Variants in BABAM2 observed in about 807,000 individuals in gnomAD.
BABAM2 encodes BRISC and BRCA1 A complex member 2, also known as BRISC and BRCA1-A complex member 2.
In BABAM2, 31 loss-of-function variants were observed where a neutral mutation model predicts 54.7. The observed-to-expected ratio is 0.57, with a 90% CI of 0.43 to 0.77. The LOEUF is 0.77. BABAM2 is among the 30% of genes least tolerant of loss of function. The pLI is 0.00. For synonymous variants in BABAM2, 167 were observed against 162.9 expected (o/e 1.03, Z -0.19); for missense variants, 364 against 455.8 (o/e 0.80, Z 1.83).
intron 3 of BABAM2, among the ~76,000 whole-genome samples, chr2:27,984,926 T>C (rs1157737420): frequency 1.3e-5 from 2 of 152,160 alleles, no homozygotes; most frequent in East Asian, 1.9e-4. Context: ...CTCCCACTTA[T>C]GTGTGAGAGC....
At chr2:28,034,431 T>A (rs1402638543) in intron 5 of BABAM2, among the ~76,000 whole-genome samples, 1 of 152,198 alleles carries the variant, frequency 6.6e-6, no homozygotes, top group Non-Finnish European at 1.5e-5. Context: ...TTATTACTAT[T>A]AGCTTTTTTT....
intron 7 of BABAM2, among the ~76,000 whole-genome samples, chr2:28,198,915 T>C (rs962277081): frequency 7.3e-5 from 11 of 151,714 alleles, no homozygotes; most frequent in African/African-American, 2.7e-4. Context: ...CCACCTGTCC[T>C]CACAAAACCT....
chr2:28,149,774 T>A (rs537346831), intron 7 of BABAM2, among the ~76,000 whole-genome samples: 1 of 152,344 alleles, frequency 6.6e-6, no homozygotes, highest in African/African-American at 2.4e-5. Context: ...CTTCTCTGGC[T>A]GCTTTAGTCA....
At chr2:27,952,565 G>C (rs1214869377) in intron 3 of BABAM2, among the ~76,000 whole-genome samples, 3 of 152,170 alleles carry the variant, frequency 2.0e-5, no homozygotes, top group Non-Finnish European at 4.4e-5. Context: ...ATTTATGTTT[G>C]TTTTGAACTA....
intron 7 of BABAM2, among the ~76,000 whole-genome samples, chr2:28,202,964 C>G (rs568063977): frequency 2.6e-5 from 4 of 152,234 alleles, no homozygotes; most frequent in East Asian, 1.9e-4. Context: ...TCCTCCACCC[C>G]CCCACAGAAA....
chr2:28,115,314 G>A (rs1410365227), intron 6 of BABAM2, among the ~76,000 whole-genome samples: 1 of 151,836 alleles, frequency 6.6e-6, no homozygotes, highest in Non-Finnish European at 1.5e-5. Flanking sequence ...TAGGATAAAG[G>A]AAGTCTCATG....
chr2:28,174,777 C>T (rs971328858), intron 7 of BABAM2, among the ~76,000 whole-genome samples: 3 of 152,118 alleles, frequency 2.0e-5, no homozygotes, highest in South Asian at 2.1e-4. Flanking sequence ...GCAGCTGTAG[C>T]GTGGTACGAT....
chr2:28,199,252 C>T (rs917018236), intron 7 of BABAM2, among the ~76,000 whole-genome samples: 3 of 152,130 alleles, frequency 2.0e-5, no homozygotes, highest in East Asian at 1.9e-4. Context: ...ACATCTTAGC[C>T]GACACACATC....
At chr2:28,258,622 T>TTTTTTTC (rs372690891) in intron 10 of BABAM2, among the ~76,000 whole-genome samples, 24,722 of 136,116 alleles carry the variant, frequency 0.18, 3,137 homozygotes, top group African/African-American at 0.2. Context: ...TTTCTTTTTT[T>TTTTTTTC]TTTTTTTTTG....
intron 7 of BABAM2, among the ~76,000 whole-genome samples, chr2:28,143,371 A>G (rs1249282699): frequency 6.6e-6 from 1 of 152,100 alleles, no homozygotes; most frequent in African/African-American, 2.4e-5. Flanking sequence ...AGGGAGAAGT[A>G]GGTCAAAGAA....
intron 7 of BABAM2, among the ~76,000 whole-genome samples, chr2:28,143,054 A>G (rs1483154249): frequency 2.0e-5 from 3 of 151,784 alleles, no homozygotes; most frequent in Admixed American, 2.0e-4. Context: ...CCTGTAATTT[A>G]ATGTTAAGGG....
At chr2:28,198,213 G>A (rs1171008664) in intron 7 of BABAM2, among the ~76,000 whole-genome samples, 1 of 151,860 alleles carries the variant, frequency 6.6e-6, no homozygotes, top group Non-Finnish European at 1.5e-5. Context: ...AGGCTGGATG[G>A]AGTGCAGTGG....
intron 6 of BABAM2, among the ~76,000 whole-genome samples, chr2:28,122,260 G>A (rs1180181970): frequency 4.6e-5 from 7 of 152,026 alleles, no homozygotes; most frequent in South Asian, 2.1e-4. Context: ...CTAGTTTTTG[G>A]TTACTCGAGG....
chr2:28,109,685 C>T (rs1298903058), intron 6 of BABAM2, among the ~76,000 whole-genome samples: 1 of 152,128 alleles, frequency 6.6e-6, no homozygotes, highest in East Asian at 1.9e-4. Context: ...TCGCCCATGC[C>T]AGCTCTCTCC....
chr2:27,940,500 T>A (rs1440721229), intron 3 of BABAM2, among the ~76,000 whole-genome samples: 1 of 152,194 alleles, frequency 6.6e-6, no homozygotes, highest in Non-Finnish European at 1.5e-5. Flanking sequence ...CAATGAGGTT[T>A]GATAGGAAGT....
chr2:28,272,993 AG>A (rs1440342660), intron 10 of BABAM2, among the ~76,000 whole-genome samples: 1 of 152,218 alleles, frequency 6.6e-6, no homozygotes, highest in African/African-American at 2.4e-5. Context: ...GCTTGCAGCC[AG>A]TCTTCTGGAA....
chr2:28,064,056 C>G (rs756109207), intron 6 of BABAM2, among the ~76,000 whole-genome samples: 1 of 152,204 alleles, frequency 6.6e-6, no homozygotes, highest in Non-Finnish European at 1.5e-5. Flanking sequence ...GCCGTTTTCA[C>G]TGGATGAAGG....
At chr2:27,929,992 TGTTA>T (rs914675489) in intron 3 of BABAM2, 84 bp downstream of exon 3, 11 of 1,248,210 alleles carry the variant, frequency 8.8e-6, no homozygotes, top group Admixed American at 1.8e-5. Flanking sequence ...CATTTCCGGC[TGTTA>T]GTTGTTATCT....
At chr2:28,248,289 A>G (rs1228783496) in intron 10 of BABAM2, among the ~76,000 whole-genome samples, 1 of 134,432 alleles carries the variant, frequency 7.4e-6, no homozygotes, top group Non-Finnish European at 1.5e-5. Context: ...GGCTCACTGC[A>G]ACCTCTGCCT....
Sources: gnomAD v4.1 joint callset for allele counts (sites outside exome capture counted in the v4.1 genomes callset) on GRCh38, gnomAD v4.1.1 for gene constraint, MANE v1.5 for transcripts, NCBI Gene and HGNC (gene_info 2026-07-23, HGNC 2026-07-21) for gene names.